The following SYNE1 variants were observed in gnomAD, a reference collection of about 807,000 sequenced individuals.
The protein encoded by SYNE1 is spectrin repeat containing nuclear envelope protein 1.
SYNE1 carries 616 observed loss-of-function variants against 1,111.0 expected under a neutral mutation model. The ratio of observed to expected loss-of-function variants is 0.55; its 90% CI spans 0.52 to 0.59. SYNE1 has a LOEUF of 0.59. Ranked by LOEUF, SYNE1 falls within the 20% of genes least tolerant of loss-of-function variation. The probability of loss-of-function intolerance (pLI) is 0.00; values close to 1 mark genes in which losing one functional copy is unlikely to be tolerated. For synonymous variants in SYNE1, 3,855 were observed against 3,825.8 expected, an observed-to-expected ratio of 1.01 and a Z score of -0.28; for missense variants, 10,006 against 10,417.0, an observed-to-expected ratio of 0.96 and a Z score of 1.72.
In SYNE1 at chr6:152,156,081, A is replaced by G; in HGVS notation, c.23807T>C (p.Ile7936Thr). Residue 7936 changes from isoleucine (I) to threonine (T), a missense_variant, in exon 132 of 146, where the codon ATA becomes ACA. Physicochemically the swap from Ile to Thr is moderately conservative, Grantham distance 89. Coordinates refer to ENST00000367255, the MANE Select transcript of SYNE1 (RefSeq NM_182961.4). ...LNEQQELQRD[I>T]EKHSTGVASV... is the part of the protein sequence containing the mutation. Reference sequence around the variant, plus strand: ...TGCAACACCTGTACTGTGCTTCTCTATGTCTCTCTGAAGCTCCTGCAGGGG... The same window carrying G: ...TGCAACACCTGTACTGTGCTTCTCTGTGTCTCTCTGAAGCTCCTGCAGGGG... 1 of 1,614,148 alleles carries G rather than the reference A, an allele frequency of 6.2e-7. No individual in the cohort carries two copies. The highest frequency in any genetic ancestry group is 8.5e-7 in the Non-Finnish European group (1 of 1,180,016).
chr6:152,369,311 G>T, intron 60 of SYNE1, 160 bp downstream of exon 60: 1 of 1,362,680 alleles, frequency 7.3e-7, no homozygotes, highest in Non-Finnish European at 1.0e-6. Context: ...TACTTCCAAG[G>T]AAAGTCAGAA....
intron 3 of SYNE1, among the ~76,000 whole-genome samples, chr6:152,541,856 T>G (rs1415825508): frequency 6.6e-6 from 1 of 150,472 alleles, no homozygotes; most frequent in Non-Finnish European, 1.5e-5. Context: ...ATATGCTCAC[T>G]AACCGGGTGA....
intron 10 of SYNE1, among the ~76,000 whole-genome samples, chr6:152,499,530 A>G (rs2099017469): frequency 6.6e-6 from 1 of 152,170 alleles, no homozygotes; most frequent in African/African-American, 2.4e-5. Flanking sequence ...TTTTAAAAAA[A>G]TGAATTAAGA....
chr6:152,439,275 G>T (rs1472111638), intron 32 of SYNE1, among the ~76,000 whole-genome samples: 1 of 152,166 alleles, frequency 6.6e-6, no homozygotes, highest in African/African-American at 2.4e-5. Context: ...AGTGCAAATG[G>T]AATCATAGGG....
chr6:152,610,226 G>T (rs1343802524), intron 3 of SYNE1, among the ~76,000 whole-genome samples: 1 of 152,124 alleles, frequency 6.6e-6, no homozygotes, highest in Non-Finnish European at 1.5e-5. Context: ...CAAACCCATC[G>T]CAAGGAAGCT....
chr6:152,433,165 A>G (rs751834245), intron 34 of SYNE1, among the ~76,000 whole-genome samples: 1 of 151,944 alleles, frequency 6.6e-6, no homozygotes, highest in African/African-American at 2.4e-5. Flanking sequence ...TAAAAGAAAG[A>G]GAAATAAACA....
Position 152,387,123 on chromosome 6 carries a change from T to G in SYNE1, c.8436A>C (p.Thr2812=). ...ACTGTGTTTTCAGCTCCTCTTGAGC[T>G]GTGTCCTTGAAAGACTCATCCTCTG... ...EKTEDESFKD[T]AQEELKTQFN... The change falls in exon 54 of 146, where the codon ACA becomes ACC. Residue 2812 remains threonine (T), a synonymous_variant. Transcript: ENST00000367255. The G allele has an allele frequency of 6.2e-7, 1 of 1,614,218 alleles. No homozygotes were observed. Among genetic ancestry groups the G allele is most frequent in the Non-Finnish European group, 8.5e-7 (1 of 1,180,022 alleles).
intron 21 of SYNE1, 53 bp downstream of exon 21, chr6:152,461,544 T>C (rs2098734123): frequency 1.2e-6 from 2 of 1,612,168 alleles, no homozygotes; most frequent in Admixed American, 3.3e-5. Flanking sequence ...GCAAGCAAGC[T>C]GAAGGCACTG....
intron 140 of SYNE1, 139 bp from the exon 141 acceptor site, chr6:152,136,957 C>A (rs368340917): frequency 7.1e-6 from 6 of 849,040 alleles, no homozygotes; most frequent in Non-Finnish European, 9.6e-6. Context: ...ACAGAGGGTG[C>A]GTACCACTGA....
intron 11 of SYNE1, among the ~76,000 whole-genome samples, chr6:152,495,251 A>G: frequency 6.6e-6 from 1 of 152,056 alleles, no homozygotes; most frequent in East Asian, 1.9e-4. Context: ...AAACTAAAAT[A>G]CCTCTTGGTC....
In SYNE1 at chr6:152,337,057, G is replaced by A. The variant is rs548788559; in HGVS notation, c.12352-40C>T. The A allele has an allele frequency of 1.2e-4, 192 of 1,586,626 alleles. 1 individual carries two copies. The highest frequency in any genetic ancestry group is 6.0e-4 in the South Asian group (53 of 88,894). On this transcript the variant is annotated intron_variant, in intron 75 of 145. Coordinates refer to ENST00000367255, the MANE Select transcript of SYNE1 (RefSeq NM_182961.4). ...GAGATAAAAGTTAGCAACCATACAT[G>A]GAAACATTTATGGTTAATGAATCAG... is the stretch of plus-strand genomic sequence containing the variant.
rs2099162326 is a variant in SYNE1, at chr6:152,526,090, C to T, written c.215G>A (p.Gly72Glu). ...CAAAAAAATTCTTACCAGTTTCTGC[C>T]CAGACAGGACCTCCAGAAGGGCAAG... ...KLLALLEVLS[G>E]QKLPCEQGRR... Residue 72 changes from glycine to glutamate, a missense_variant, in exon 5 of 146, where the codon GGG becomes GAG. Gly to Glu is a moderately conservative substitution (Grantham distance 98). Around this residue, in one of 7 missense-constraint regions of SYNE1, gnomAD observed 1,971 missense variants for 2,084.1 expected, o/e 0.95. Coordinates refer to ENST00000367255, the MANE Select transcript of SYNE1 (RefSeq NM_182961.4). 6.2e-7 allele frequency: 1 copy of T among 1,613,978 alleles called. No homozygotes were observed. Among genetic ancestry groups the T allele is most frequent in the Non-Finnish European group, 8.5e-7 (1 of 1,179,948 alleles).
intron 12 of SYNE1, among the ~76,000 whole-genome samples, chr6:152,485,184 T>C (rs1011818589): frequency 6.6e-6 from 1 of 152,216 alleles, no homozygotes; most frequent in African/African-American, 2.4e-5. Flanking sequence ...CTTCATATTA[T>C]CCTCTCTGGT....
At chr6:152,451,546 G>A (rs997347042) in intron 25 of SYNE1, among the ~76,000 whole-genome samples, 2 of 142,318 alleles carry the variant, frequency 1.4e-5, no homozygotes, top group Admixed American at 7.4e-5. Context: ...ACAGTGGTGC[G>A]ATCTTGGCTC....
At chr6:152,369,692 G>C (rs948060007) in intron 59 of SYNE1, 78 bp from the exon 60 acceptor site, 3 of 1,557,736 alleles carry the variant, frequency 1.9e-6, no homozygotes, top group Non-Finnish European at 1.7e-6. Flanking sequence ...GGCATTCAAA[G>C]TCCACCCAGG....
chr6:152,236,525 G>A, intron 109 of SYNE1, among the ~76,000 whole-genome samples: 1 of 150,920 alleles, frequency 6.6e-6, no homozygotes. Context: ...GACTTTAGGT[G>A]GATTTAAAAC....
At chr6:152,180,054 A>G in intron 129 of SYNE1, 82 bp downstream of exon 129, 1 of 1,455,938 alleles carries the variant, frequency 6.9e-7, no homozygotes, top group Non-Finnish European at 9.6e-7. Flanking sequence ...AGTAATTGTG[A>G]GTAAAGCCAC....
chr6:152,339,349 AG>A lies in SYNE1; in HGVS notation c.12242del (p.Ala4081ValfsTer10). On this transcript the variant is annotated frameshift_variant, in exon 75 of 146. Coordinates refer to ENST00000367255, the MANE Select transcript of SYNE1 (RefSeq NM_182961.4). LOFTEE classifies it high-confidence loss of function. Reference sequence around the variant, plus strand: ...GGTAGGTCCTTGCCTGCTCTTGCAAAGCTCTGAAGTGTTTGACCTGGAAAAG... The same window carrying A: ...GGTAGGTCCTTGCCTGCTCTTGCAAACTCTGAAGTGTTTGACCTGGAAAAG... Reference protein sequence around the residue: ...EAIKQVKHFRALQEQARTYLD... With the variant: ...EAIKQVKHFRXLQEQARTYLD... The A allele has an allele frequency of 6.2e-7, 1 of 1,613,892 alleles. No homozygotes were observed. The highest frequency in any genetic ancestry group is 1.1e-5 in the South Asian group (1 of 91,080).
chr6:152,206,353 T>C lies in SYNE1; in HGVS notation c.22834A>G (p.Lys7612Glu), dbSNP rs1434935687. The C allele has an allele frequency of 2.5e-6, 4 of 1,613,700 alleles. No individual in the cohort carries two copies. The highest frequency in any genetic ancestry group is 3.4e-6 in the Non-Finnish European group (4 of 1,179,934). Residue 7612 changes from lysine to glutamate, a missense_variant, in exon 126 of 146, where the codon AAA (lysine) becomes GAA (glutamate). Lys to Glu is a moderately conservative substitution (Grantham distance 56, BLOSUM62 1). Around this residue, in one of 7 missense-constraint regions of SYNE1, gnomAD observed 2,182 missense variants for 2,287.8 expected, o/e 0.95. Transcript: ENST00000367255. ...CTGCCTTGTTGCCGCAGAAACACTT[T>C]TTCTTTGAACTGAAAGGAACCATAG... The part of the protein sequence containing the change: ...TLFDEVQFKE[K>E]VFLRQQGSYI...
Sources: allele counts gnomAD v4.1 joint callset (sites outside exome capture counted in the v4.1 genomes callset), GRCh38; gene constraint gnomAD v4.1.1; regional missense constraint gnomAD v4.1.1; transcripts MANE v1.5; gene names NCBI Gene and HGNC (gene_info 2026-07-23, HGNC 2026-07-21).